APPBP2: variants seen among roughly 807,000 people sequenced by gnomAD.
The protein encoded by APPBP2 is amyloid beta precursor protein binding protein 2, also known as amyloid protein-binding protein 2.
In APPBP2, 15 loss-of-function variants were observed where a neutral mutation model predicts 76.0. That is an observed-to-expected ratio of 0.20 (90% confidence interval 0.13 to 0.30). APPBP2 has a LOEUF of 0.30. APPBP2 is among the 10% of genes least tolerant of loss of function. APPBP2 has a pLI of 1.00. For synonymous variants in APPBP2, 222 were observed against 242.2 expected (o/e 0.92, Z 0.77); for missense variants, 401 against 687.2 (o/e 0.58, Z 4.66).
intron 9 of APPBP2, among the ~76,000 whole-genome samples, chr17:60,458,521 A>C (rs2090449104): frequency 6.6e-6 from 1 of 152,092 alleles, no homozygotes; most frequent in African/African-American, 2.4e-5. Context: ...TAGAGTTAAC[A>C]AAGTTTTTCT....
At chr17:60,483,277 T>G (rs2090645830) in intron 3 of APPBP2, among the ~76,000 whole-genome samples, 1 of 151,826 alleles carries the variant, frequency 6.6e-6, no homozygotes, top group Non-Finnish European at 1.5e-5. Context: ...ATGGGGTTGT[T>G]TGATTTTTTC....
intron 1 of APPBP2, among the ~76,000 whole-genome samples, chr17:60,504,825 A>C (rs1230495397): frequency 1.3e-5 from 2 of 152,068 alleles, no homozygotes; most frequent in Non-Finnish European, 2.9e-5. Flanking sequence ...CAACCAAAAA[A>C]CACCTATGTT....
Position 60,452,057 on chromosome 17 carries a change from T to C in APPBP2, c.1339-12A>G. Reference sequence around the variant, plus strand: ...ATTTCTTCAGCTTCCTGAAAAACAATTATGCCATATCAATCATTATACTTT... The same window carrying C: ...ATTTCTTCAGCTTCCTGAAAAACAACTATGCCATATCAATCATTATACTTT... On this transcript the variant is annotated splice_polypyrimidine_tract_variant and intron_variant, in intron 11 of 12. Transcript: ENST00000083182. 1 of 1,611,084 alleles carries C rather than the reference T, an allele frequency of 6.2e-7. No homozygotes were observed. The highest frequency in any genetic ancestry group is 8.5e-7 in the Non-Finnish European group (1 of 1,179,178).
chr17:60,468,232 GCTCTGGCTACA>G (rs1199730645), intron 4 of APPBP2, among the ~76,000 whole-genome samples: 2 of 152,086 alleles, frequency 1.3e-5, no homozygotes, highest in East Asian at 3.9e-4. Context: ...TATCAAGAAT[GCTCTGGCTACA>G]CTCTGGCTAT....
At chr17:60,504,158 T>C (rs1171520344) in intron 1 of APPBP2, among the ~76,000 whole-genome samples, 1 of 152,176 alleles carries the variant, frequency 6.6e-6, no homozygotes, top group Non-Finnish European at 1.5e-5. Flanking sequence ...TTATATTATG[T>C]ACCCGTAGCA....
intron 11 of APPBP2, among the ~76,000 whole-genome samples, chr17:60,452,867 G>A (rs550309147): frequency 1.3e-5 from 2 of 152,206 alleles, no homozygotes; most frequent in African/African-American, 4.8e-5. Flanking sequence ...CAGGGAGGTT[G>A]AGGCTGTAGT....
At chr17:60,465,036 GACAA>G (rs202099207) in intron 5 of APPBP2, 3,085 of 152,110 alleles carry the variant, frequency 0.02, 40 homozygotes, top group African/African-American at 0.039. Context: ...CAAACAAACA[GACAA>G]ACAAACAAAC....
intron 12 of APPBP2, among the ~76,000 whole-genome samples, chr17:60,448,158 A>G (rs2090364803): frequency 6.6e-6 from 1 of 152,234 alleles, no homozygotes; most frequent in Non-Finnish European, 1.5e-5. Flanking sequence ...ATACACATGC[A>G]CAGGCCAGTC....
chr17:60,507,357 G>A (rs1230082592), intron 1 of APPBP2, among the ~76,000 whole-genome samples: 1 of 151,990 alleles, frequency 6.6e-6, no homozygotes, highest in African/African-American at 2.4e-5. Flanking sequence ...AAATAGCTGG[G>A]ATTAAAGGCA....
At chr17:60,506,828 G>A (rs1413391443) in intron 1 of APPBP2, among the ~76,000 whole-genome samples, 1 of 152,182 alleles carries the variant, frequency 6.6e-6, no homozygotes, top group Non-Finnish European at 1.5e-5. Flanking sequence ...ACGAGGTCAA[G>A]AGATCGAGAC....
At chr17:60,453,516 T>C (rs1436810409) in intron 11 of APPBP2, among the ~76,000 whole-genome samples, 2 of 150,928 alleles carry the variant, frequency 1.3e-5, no homozygotes, top group Non-Finnish European at 2.9e-5. Flanking sequence ...TTGACATGTT[T>C]CCTAATTTTT....
chr17:60,508,816 G>A (rs1027280324), intron 1 of APPBP2, among the ~76,000 whole-genome samples: 2 of 152,130 alleles, frequency 1.3e-5, no homozygotes, highest in Non-Finnish European at 2.9e-5. Flanking sequence ...TGAAACCCAT[G>A]AAGTCCCCAG....
At chr17:60,460,597 T>A in intron 9 of APPBP2, 66 bp downstream of exon 9, 6 of 1,509,264 alleles carry the variant, frequency 4.0e-6, no homozygotes, top group Non-Finnish European at 5.4e-6. Flanking sequence ...AGTTCCCTAA[T>A]GGGAAAAAAC....
intron 1 of APPBP2, among the ~76,000 whole-genome samples, chr17:60,522,504 T>C (rs2091017689): frequency 6.6e-6 from 1 of 152,058 alleles, no homozygotes; most frequent in Non-Finnish European, 1.5e-5. Flanking sequence ...TTTCTACTTT[T>C]TGTAGAGAAG....
At chr17:60,450,545 G>A (rs2090386971) in intron 12 of APPBP2, among the ~76,000 whole-genome samples, 1 of 151,886 alleles carries the variant, frequency 6.6e-6, no homozygotes, top group Admixed American at 6.6e-5. Context: ...GAGGTAGGAG[G>A]ATTACTTGAG....
At chr17:60,492,211 G>T (rs2090735642) in intron 3 of APPBP2, among the ~76,000 whole-genome samples, 1 of 152,212 alleles carries the variant, frequency 6.6e-6, no homozygotes, top group Non-Finnish European at 1.5e-5. Context: ...CTAGACTTCA[G>T]AATGTATGGG....
chr17:60,447,824 A>T lies in APPBP2; in HGVS notation c.1515T>A (p.Leu505=). Reference sequence around the variant, plus strand: ...CTAGTCCACTGTAGCCCTCACCAAAAAGTTTCTTCCCTGTAACAAAAAAGA... The same window carrying T: ...CTAGTCCACTGTAGCCCTCACCAAATAGTTTCTTCCCTGTAACAAAAAAGA... ...YLRSIAIGKK[L]FGEGYSGLEY... The change falls in exon 13 of 13, where the codon CTT becomes CTA. Residue 505 remains leucine (L), a synonymous_variant. Coordinates refer to ENST00000083182, the MANE Select transcript of APPBP2 (RefSeq NM_006380.5). The T allele has an allele frequency of 6.4e-7, 1 of 1,572,500 alleles. No individual in the cohort carries two copies. Among genetic ancestry groups the T allele is most frequent in the Non-Finnish European group, 8.6e-7 (1 of 1,160,546 alleles).
chr17:60,473,774 A>T (rs2090569920), intron 4 of APPBP2, among the ~76,000 whole-genome samples: 1 of 152,230 alleles, frequency 6.6e-6, no homozygotes, highest in African/African-American at 2.4e-5. Context: ...CTTTATCCAA[A>T]TTATTCACAT....
intron 4 of APPBP2, 100 bp from the exon 5 acceptor site, chr17:60,466,559 A>T: frequency 8.5e-7 from 1 of 1,171,188 alleles, no homozygotes; most frequent in Non-Finnish European, 1.2e-6. Context: ...GTAATTAAAT[A>T]CAATTACAAG....
Sources: allele counts gnomAD v4.1 joint callset (sites outside exome capture counted in the v4.1 genomes callset), GRCh38; gene constraint gnomAD v4.1.1; transcripts MANE v1.5; gene names NCBI Gene and HGNC (gene_info 2026-07-23, HGNC 2026-07-21).